The following SLC5A3 variants were observed in gnomAD, a reference collection of about 807,000 sequenced individuals.
The protein encoded by SLC5A3 is sodium/myo-inositol cotransporter.
SLC5A3 carries 10 observed loss-of-function variants against 43.2 expected under a neutral mutation model. The ratio of observed to expected loss-of-function variants is 0.23; its 90% CI spans 0.14 to 0.39. The LOEUF (loss-of-function observed/expected upper bound fraction) is 0.39, where lower values mean the gene tolerates loss of function less well. Ranked by LOEUF, SLC5A3 falls within the 10% of genes least tolerant of loss-of-function variation. The pLI, the probability that SLC5A3 is intolerant of heterozygous loss-of-function variation, is 1.00. For missense variants in SLC5A3, 608 were observed against 893.4 expected (o/e 0.68, Z 4.07); for synonymous variants, 349 against 322.0 (o/e 1.08, Z -0.90).
At chr21:34,081,954 C>G (rs1454476282) in intron 1 of SLC5A3, among the ~76,000 whole-genome samples, 1 of 151,944 alleles carries the variant, frequency 6.6e-6, no homozygotes, top group Admixed American at 6.6e-5. Flanking sequence ...CTACTCTGCT[C>G]CCATCTATTA....
chr21:34,092,129 T>C (rs1978728898), intron 1 of SLC5A3, among the ~76,000 whole-genome samples: 1 of 151,478 alleles, frequency 6.6e-6, no homozygotes, highest in African/African-American at 2.4e-5. Context: ...GAAAAACATA[T>C]ATATATATAT....
rs994552279 is a variant in SLC5A3 at position 34,103,616 on chromosome 21, A to G, written c.*6261A>G. On this transcript the variant is annotated 3_prime_UTR_variant, in exon 2 of 2. Transcript: ENST00000381151. ...ATTAGTGTACCCACACATAGAAAGC[A>G]CAAGACTAATAGTATTCTCTGTATC... 4.0e-6 allele frequency: 4 copies of G among 1,000,062 alleles called. No individual in the cohort carries two copies. The African/African-American group carries it at 7.0e-5, about 17-fold the overall frequency. 61.9% of individuals were successfully genotyped at this position (1,000,062 alleles called of 1,614,324 possible).
Position 34,097,442 on chromosome 21 carries a change from A to G in SLC5A3, c.*87A>G, listed in dbSNP as rs1979018872. The stretch of plus-strand genomic sequence containing the variant: ...TTATGTAACTGTGCATCTCTCAGGC[A>G]TTGTTTACGCTGTAGGTTTTAGCCA... On this transcript the variant is annotated 3_prime_UTR_variant, in exon 2 of 2. Transcript: ENST00000381151. 4 of 1,503,260 alleles carry G rather than the reference A, an allele frequency of 2.7e-6. No homozygotes were observed. The highest frequency in any genetic ancestry group is 3.5e-6 in the Non-Finnish European group (4 of 1,129,264). 93.1% of individuals were successfully genotyped at this position (1,503,260 alleles called of 1,614,324 possible).
chr21:34,087,403 T>G (rs1222663488), intron 1 of SLC5A3, among the ~76,000 whole-genome samples: 1 of 152,228 alleles, frequency 6.6e-6, no homozygotes, highest in Non-Finnish European at 1.5e-5. Flanking sequence ...TAACAAACAT[T>G]TGAGCACCTG....
intron 1 of SLC5A3, among the ~76,000 whole-genome samples, chr21:34,086,957 G>A (rs1343728261): frequency 6.6e-6 from 1 of 152,138 alleles, no homozygotes; most frequent in Admixed American, 6.6e-5. Context: ...AGACAGACAC[G>A]CACAGGGAAG....
chr21:34,104,339 TC>T lies in SLC5A3; in HGVS notation c.*6985del. 1.0e-6 allele frequency: 1 copy of T among 1,000,104 alleles called. No individual in the cohort carries two copies. Among genetic ancestry groups the T allele is most frequent in the Non-Finnish European group, 1.2e-6 (1 of 829,856 alleles). The allele number at this position is 1,000,104 out of a possible 1,614,324, so 62.0% of individuals were successfully genotyped here. A position where few individuals can be genotyped will look rare whatever the true frequency, so the allele number is the denominator to read the frequency against. ...TGTGTGTGTAGAAGAAAACGTATGT[TC>T]TTCTACTCAGCATTGCCCTTTTCCA... On this transcript the variant is annotated 3_prime_UTR_variant, in exon 2 of 2. Transcript: ENST00000381151.
intron 1 of SLC5A3, among the ~76,000 whole-genome samples, chr21:34,082,815 C>T (rs753164784): frequency 3.9e-5 from 6 of 152,066 alleles, no homozygotes; most frequent in South Asian, 2.1e-4. Flanking sequence ...GTTGTTCTTA[C>T]GTACGTTTTG....
At chr21:34,079,203 C>A (rs973408408) in intron 1 of SLC5A3, among the ~76,000 whole-genome samples, 2 of 152,124 alleles carry the variant, frequency 1.3e-5, no homozygotes, top group Non-Finnish European at 2.9e-5. Context: ...AAAAAAACAG[C>A]AATACTTTAT....
intron 1 of SLC5A3, among the ~76,000 whole-genome samples, chr21:34,077,589 A>G (rs781404124): frequency 1.3e-5 from 2 of 152,202 alleles, no homozygotes; most frequent in African/African-American, 4.8e-5. Flanking sequence ...ATATATCTTC[A>G]TATGTTTTTC....
rs899359510 is a variant in SLC5A3, at chr21:34,101,181, G to A, written c.*3826G>A. On this transcript the variant is annotated 3_prime_UTR_variant, in exon 2 of 2. Transcript: ENST00000381151. ...ACCTGGGTGACACAGATATTAGCCC[G>A]TTGGTAAAAGACAACAAATATTAGC... 4.0e-6 allele frequency: 4 copies of A among 1,000,076 alleles called. No individual in the cohort carries two copies. The highest frequency in any genetic ancestry group is 9.4e-5 in the South Asian group (2 of 21,278). 62.0% of individuals were successfully genotyped at this position (1,000,076 alleles called of 1,614,324 possible). A position where few individuals can be genotyped will look rare whatever the true frequency, so the allele number is the denominator to read the frequency against.
chr21:34,104,900 A>G lies in SLC5A3; in HGVS notation c.*7545A>G, dbSNP rs1218308567. The G allele has an allele frequency of 2.0e-6, 2 of 1,000,218 alleles. No homozygotes were observed. Among genetic ancestry groups the G allele is most frequent in the Non-Finnish European group, 2.4e-6 (2 of 829,946 alleles). 62.0% of individuals were successfully genotyped at this position (1,000,218 alleles called of 1,614,324 possible). On this transcript the variant is annotated 3_prime_UTR_variant, in exon 2 of 2. Transcript: ENST00000381151. ...GCTTCTGGAGATTTCTTTGGCAGAA[A>G]TGCCTTTCATCTATAATTTCATGGA...
At chr21:34,080,093 A>G (rs1989425993) in intron 1 of SLC5A3, among the ~76,000 whole-genome samples, 2 of 152,210 alleles carry the variant, frequency 1.3e-5, no homozygotes, top group African/African-American at 4.8e-5. Context: ...GTCTCCTGAC[A>G]TACTACTGAG....
chr21:34,092,847 A>C (rs1048170836), intron 1 of SLC5A3, among the ~76,000 whole-genome samples: 2 of 152,162 alleles, frequency 1.3e-5, no homozygotes, highest in Non-Finnish European at 2.9e-5. Flanking sequence ...TGCTACTGCC[A>C]TTGGGAAGAG....
chr21:34,087,372 T>G (rs1199708904), intron 1 of SLC5A3, among the ~76,000 whole-genome samples: 1 of 152,212 alleles, frequency 6.6e-6, no homozygotes, highest in Non-Finnish European at 1.5e-5. Flanking sequence ...AACTTAGTTG[T>G]TAATATTTGA....
Position 34,101,553 on chromosome 21 carries a change from T to G in SLC5A3, c.*4198T>G. 1.0e-6 allele frequency: 1 copy of G among 999,902 alleles called. No homozygotes were observed. Among genetic ancestry groups the G allele is most frequent in the Non-Finnish European group, 1.2e-6 (1 of 829,652 alleles). The allele number at this position is 999,902 out of a possible 1,614,324, so 61.9% of individuals were successfully genotyped here. ...ATGCCCACTTACCATTCAGAGAGACTGGTCTTTCTCTTTGTCTTCCTTCAC... is the reference window on the plus strand; with the variant it reads ...ATGCCCACTTACCATTCAGAGAGACGGGTCTTTCTCTTTGTCTTCCTTCAC... On this transcript the variant is annotated 3_prime_UTR_variant, in exon 2 of 2. Coordinates refer to ENST00000381151, the MANE Select transcript of SLC5A3 (RefSeq NM_006933.7).
Position 34,103,981 on chromosome 21 carries a change from TA to T in SLC5A3, c.*6632del. 1 of 1,000,136 alleles carries T rather than the reference TA, an allele frequency of 1.0e-6. No homozygotes were observed. The highest frequency in any genetic ancestry group is 1.2e-6 in the Non-Finnish European group (1 of 829,876). The allele number at this position is 1,000,136 out of a possible 1,614,324, so 62.0% of individuals were successfully genotyped here. On this transcript the variant is annotated 3_prime_UTR_variant, in exon 2 of 2. Coordinates refer to ENST00000381151, the MANE Select transcript of SLC5A3 (RefSeq NM_006933.7). ...GCTGTAGTGTGATTGGGGTTTTTTG[TA>T]AAAAATCTTAAATCTTTTAGGAAAT...
chr21:34,083,684 A>G (rs1305455176), intron 1 of SLC5A3, among the ~76,000 whole-genome samples: 1 of 152,210 alleles, frequency 6.6e-6, no homozygotes, highest in Non-Finnish European at 1.5e-5. Context: ...GCTTTAAGAC[A>G]CCAAGTTTCC....
At chr21:34,083,219 T>G (rs1989498899) in intron 1 of SLC5A3, among the ~76,000 whole-genome samples, 1 of 152,174 alleles carries the variant, frequency 6.6e-6, no homozygotes, top group African/African-American at 2.4e-5. Context: ...AAATTCTCAT[T>G]GTGGTGATCA....
At chr21:34,080,744 T>C (rs1027711586) in intron 1 of SLC5A3, among the ~76,000 whole-genome samples, 6 of 152,240 alleles carry the variant, frequency 3.9e-5, no homozygotes, top group Non-Finnish European at 5.9e-5. Context: ...GAGTCTTTCA[T>C]GTTTGTTCTG....
Sources: allele counts gnomAD v4.1 joint callset (sites outside exome capture counted in the v4.1 genomes callset), GRCh38; gene constraint gnomAD v4.1.1; transcripts MANE v1.5; gene names NCBI Gene and HGNC (gene_info 2026-07-23, HGNC 2026-07-21).